FLNB: variants seen among roughly 807,000 people sequenced by gnomAD.
The protein encoded by FLNB is filamin B.
Under a neutral mutation model 250.6 loss-of-function variants are expected in FLNB, and 111 were observed. The ratio of observed to expected loss-of-function variants is 0.44; its 90% CI spans 0.38 to 0.52. The LOEUF (loss-of-function observed/expected upper bound fraction) is 0.52, where lower values mean the gene tolerates loss of function less well. FLNB is among the 20% of genes least tolerant of loss of function. The pLI, the probability that FLNB is intolerant of heterozygous loss-of-function variation, is 0.00. For missense variants in FLNB, 2,869 were observed against 3,447.8 expected (o/e 0.83, Z 4.20); for synonymous variants, 1,302 against 1,372.1 (o/e 0.95, Z 1.13).
chr3:58,138,724 A>G (rs1180089681), intron 29 of FLNB, among the ~76,000 whole-genome samples, 195 bp downstream of exon 29: 2 of 152,178 alleles, frequency 1.3e-5, no homozygotes, highest in East Asian at 3.8e-4. Context: ...AAGGGTTTTT[A>G]GGGAATCTTA....
chr3:58,027,846 C>T (rs1658351), intron 1 of FLNB, among the ~76,000 whole-genome samples: 107,812 of 152,106 alleles, frequency 0.71, 38,748 homozygotes, highest in East Asian at 0.95. Flanking sequence ...ACTATAATAA[C>T]GGAAAAACAG....
At chr3:58,143,694 G>T in intron 32 of FLNB, 81 bp downstream of exon 32, 4 of 1,548,254 alleles carry the variant, frequency 2.6e-6, no homozygotes, top group Non-Finnish European at 3.5e-6. Flanking sequence ...CAGCCGCTTT[G>T]CAGGGAGCAG....
rs575948017 is a variant in FLNB, at chr3:58,045,574, A to C, written c.293-31472A>C. Among the ~76,000 whole-genome samples the C allele has an allele frequency of 2.0e-4, 30 of 152,344 alleles. No individual in the cohort carries two copies. In the South Asian group the frequency reaches 6.2e-3, roughly 32 times the overall value. ...TGGCCCAGGGAAGCCAAGAGATTGG[A>C]CACCCCCGATTTAAAGGAAGTAACT... is the stretch of plus-strand genomic sequence containing the variant. On this transcript the variant is annotated intron_variant, in intron 1 of 45. Transcript: ENST00000295956.
chr3:58,115,791 CCCACAACCAAGAG>C (rs931971078), intron 18 of FLNB, among the ~76,000 whole-genome samples: 5 of 49,520 alleles, frequency 1.0e-4, no homozygotes, highest in African/African-American at 8.2e-4. Flanking sequence ...CACCCACAAC[CCCACAACCAAGAG>C]AAGAGAAGAC....
At chr3:58,051,107 A>G (rs946070976) in intron 1 of FLNB, among the ~76,000 whole-genome samples, 1 of 152,164 alleles carries the variant, frequency 6.6e-6, no homozygotes, top group Non-Finnish European at 1.5e-5. Context: ...CCACTGTAAA[A>G]TGGATATGCC....
At chr3:58,015,017 G>A (rs1230617444) in intron 1 of FLNB, among the ~76,000 whole-genome samples, 6 of 152,088 alleles carry the variant, frequency 3.9e-5, no homozygotes, top group African/African-American at 1.4e-4. Context: ...GTGAGCCACC[G>A]GACCCAGCCA....
At chr3:58,078,964 C>T in intron 3 of FLNB, 150 bp downstream of exon 3, 1 of 659,956 alleles carries the variant, frequency 1.5e-6, no homozygotes, top group Non-Finnish European at 2.8e-6. Flanking sequence ...CTCAGTTTAC[C>T]CATAATAATA....
intron 1 of FLNB, among the ~76,000 whole-genome samples, chr3:58,072,136 T>C (rs1302770942): frequency 6.6e-6 from 1 of 152,166 alleles, no homozygotes; most frequent in East Asian, 1.9e-4. Flanking sequence ...CCCTGCTCAC[T>C]TAGAAGCAAC....
Position 58,134,520 on chromosome 3 carries a change from CT to C in FLNB, c.4515-92del, listed in dbSNP as rs575480115. ...CTGTCTTATCTGCTGTAGAAATCCC[CT>C]TTTCCATCCCACTCTTATGTGTAAG... On this transcript the variant is annotated intron_variant, in intron 26 of 45. Transcript: ENST00000295956. 43 of 1,448,164 alleles carry C rather than the reference CT, an allele frequency of 3.0e-5. No individual in the cohort carries two copies. The East Asian group carries it at 9.8e-4, about 33-fold the overall frequency. The allele number at this position is 1,448,164 out of a possible 1,614,324, so 89.7% of individuals were successfully genotyped here.
At chr3:58,109,345 G>A (rs1426195141) in intron 14 of FLNB, 23 bp downstream of exon 14, 2 of 1,608,216 alleles carry the variant, frequency 1.2e-6, no homozygotes, top group Admixed American at 3.4e-5. Context: ...GCAGAATCCT[G>A]GCTGTTTTAT....
In FLNB at chr3:58,008,647, A is replaced by T. The variant is rs1428809108; in HGVS notation, c.83A>T (p.Glu28Val). 6.2e-7 allele frequency: 1 copy of T among 1,613,932 alleles called. No individual in the cohort carries two copies. Among genetic ancestry groups the T allele is most frequent in the East Asian group, 2.2e-5 (1 of 44,874 alleles). Residue 28 changes from glutamate (E) to valine (V), a missense_variant, in exon 1 of 46, where the codon GAG (glutamate) becomes GTG (valine). Glu to Val is a moderately radical substitution (Grantham distance 121). Coordinates refer to ENST00000295956, the MANE Select transcript of FLNB (RefSeq NM_001457.4). ...AACACGTTCACACGCTGGTGCAACG[A>T]GCACCTCAAGTGCGTGAACAAACGC... ...QQNTFTRWCN[E>V]HLKCVNKRIG...
At chr3:58,137,806 G>A (rs2097319094) in intron 28 of FLNB, among the ~76,000 whole-genome samples, 1 of 152,118 alleles carries the variant, frequency 6.6e-6, no homozygotes, top group East Asian at 1.9e-4. Context: ...CCTTTGCCTA[G>A]ATATGCTGCC....
intron 35 of FLNB, 122 bp downstream of exon 35, chr3:58,148,486 C>A: frequency 7.7e-7 from 1 of 1,300,244 alleles, no homozygotes; most frequent in Non-Finnish European, 1.1e-6. Flanking sequence ...CCTGCTGGGT[C>A]ACACGCACGA....
chr3:58,077,651 C>G (rs781018290), intron 2 of FLNB, among the ~76,000 whole-genome samples: 1 of 152,174 alleles, frequency 6.6e-6, no homozygotes, highest in Non-Finnish European at 1.5e-5. Context: ...ACATTTGGTC[C>G]TATTAGGTGG....
At chr3:58,117,879 T>A (rs2107152978) in intron 18 of FLNB, among the ~76,000 whole-genome samples, 1 of 152,254 alleles carries the variant, frequency 6.6e-6, no homozygotes, top group South Asian at 2.1e-4. Flanking sequence ...TACACCCTTT[T>A]AACACTTGAT....
At chr3:58,163,580 C>T (rs370384865) in intron 43 of FLNB, 6 of 526,284 alleles carry the variant, frequency 1.1e-5, no homozygotes, top group African/African-American at 9.5e-5. Context: ...ATTCAGATTC[C>T]TTCCTCTGCC....
At chr3:58,167,735 C>A (rs1361500737) in intron 43 of FLNB, among the ~76,000 whole-genome samples, 1 of 152,264 alleles carries the variant, frequency 6.6e-6, no homozygotes, top group Non-Finnish European at 1.5e-5. Context: ...GGTTGTGTAG[C>A]GTGACTGGCC....
chr3:58,136,401 A>G (rs2097316049), intron 28 of FLNB, among the ~76,000 whole-genome samples: 1 of 152,226 alleles, frequency 6.6e-6, no homozygotes, highest in Non-Finnish European at 1.5e-5. Flanking sequence ...AGATTAGATG[A>G]GGTCAGGCAT....
intron 35 of FLNB, 102 bp from the exon 36 acceptor site, chr3:58,148,546 TG>T: frequency 8.0e-7 from 1 of 1,251,778 alleles, no homozygotes; most frequent in Non-Finnish European, 1.2e-6. Flanking sequence ...TCTGGATTGT[TG>T]GGTGTCAGGA....
Sources: gnomAD v4.1 joint callset for allele counts (sites outside exome capture counted in the v4.1 genomes callset) on GRCh38, gnomAD v4.1.1 for gene constraint, MANE v1.5 for transcripts, NCBI Gene and HGNC (gene_info 2026-07-23, HGNC 2026-07-21) for gene names.